Variants in ATF7IP2 observed in about 807,000 individuals in gnomAD.
The protein encoded by ATF7IP2 is activating transcription factor 7 interacting protein 2.
ATF7IP2 carries 42 observed loss-of-function variants against 64.2 expected under a neutral mutation model. That is an observed-to-expected ratio of 0.65 (90% CI 0.51 to 0.85). The LOEUF (loss-of-function observed/expected upper bound fraction) is 0.85. Among genes scored for constraint, ATF7IP2 ranks in the 40% least tolerant of loss-of-function variants. The pLI, the probability that ATF7IP2 is intolerant of heterozygous loss-of-function variation, is 0.00. For missense variants in ATF7IP2, 933 were observed against 784.2 expected (o/e 1.19, Z -2.27); for synonymous variants, 308 against 272.8 (o/e 1.13, Z -1.27).
chr16:10,454,393 T>C (rs2049096906), intron 8 of ATF7IP2: 1 of 124,248 alleles, frequency 8.0e-6, no homozygotes, highest in Non-Finnish European at 1.6e-5. Flanking sequence ...CCAGTGACAG[T>C]GTGAGACTCC....
intron 3 of ATF7IP2, among the ~76,000 whole-genome samples, chr16:10,428,658 G>A (rs2048144819): frequency 6.6e-6 from 1 of 152,158 alleles, no homozygotes; most frequent in South Asian, 2.1e-4. Flanking sequence ...CCTGGCACCT[G>A]TAATATGTGA....
chr16:10,431,530 T>TATACA, intron 5 of ATF7IP2, 75 bp downstream of exon 5: 1 of 983,918 alleles, frequency 1.0e-6, no homozygotes, highest in Non-Finnish European at 1.5e-6. Flanking sequence ...AAGTCTCAAA[T>TATACA]ATACAAACCA....
chr16:10,482,164 C>T lies in ATF7IP2; in HGVS notation c.1964C>T (p.Thr655Ile). The change falls in exon 14 of 14, where the codon ACT (threonine) becomes ATT (isoleucine). Residue 655 changes from threonine (T) to isoleucine (I), a missense_variant. By Grantham distance (89) the Thr-to-Ile change is moderately conservative. Coordinates refer to ENST00000562102, the MANE Select transcript of ATF7IP2 (RefSeq NM_001393719.1). The stretch of plus-strand genomic sequence containing the variant: ...TTAGCTTCCAACAGATACTATTTTA[C>T]TGTCCAATCAAAAGATATTTTTGGA... Reference protein sequence around the residue: ...QFLASNRYYFTVQSKDIFGRY... With the variant: ...QFLASNRYYFIVQSKDIFGRY... 2 of 1,612,818 alleles carry T rather than the reference C, an allele frequency of 1.2e-6. No homozygotes were observed. The highest frequency in any genetic ancestry group is 1.7e-6 in the Non-Finnish European group (2 of 1,178,804).
chr16:10,439,140 T>A (rs2048522513), intron 7 of ATF7IP2, among the ~76,000 whole-genome samples: 2 of 152,034 alleles, frequency 1.3e-5, no homozygotes, highest in South Asian at 4.1e-4. Flanking sequence ...CTTTTTGGAC[T>A]TTTTGTTTTC....
At chr16:10,477,464 A>G (rs1231477552) in intron 12 of ATF7IP2, among the ~76,000 whole-genome samples, 6 of 152,178 alleles carry the variant, frequency 3.9e-5, no homozygotes, top group African/African-American at 1.4e-4. Flanking sequence ...TTAGGTATTG[A>G]TGGGACGTAT....
intron 1 of ATF7IP2, among the ~76,000 whole-genome samples, chr16:10,393,950 G>A (rs1418407790): frequency 6.6e-6 from 1 of 152,172 alleles, no homozygotes; most frequent in East Asian, 1.9e-4. Context: ...GCTGATGTGG[G>A]AAGATCACTT....
In ATF7IP2 at chr16:10,431,242, G is replaced by A. The variant is rs1010451797; in HGVS notation, c.622G>A (p.Glu208Lys). The A allele has an allele frequency of 2.5e-6, 4 of 1,614,024 alleles. No homozygotes were observed. Among genetic ancestry groups the A allele is most frequent in the South Asian group, 1.1e-5 (1 of 91,078 alleles). ...VFHLETNSNS[E>K]SHDKRQSDNI... is the part of the protein sequence containing the mutation. Reference sequence around the variant, plus strand: ...CCATTTAGAAACAAACTCCAATTCAGAATCACATGATAAAAGGCAAAGTGA... The same window carrying A: ...CCATTTAGAAACAAACTCCAATTCAAAATCACATGATAAAAGGCAAAGTGA... Residue 208 changes from glutamate to lysine, a missense_variant, in exon 5 of 14, where the codon GAA becomes AAA. By Grantham distance (56) the Glu-to-Lys change is moderately conservative. Coordinates refer to ENST00000562102, the MANE Select transcript of ATF7IP2 (RefSeq NM_001393719.1).
At chr16:10,446,573 A>G (rs1466204945) in intron 8 of ATF7IP2, 8 of 152,156 alleles carry the variant, frequency 5.3e-5, no homozygotes, top group African/African-American at 4.8e-5. Context: ...GACACATCCA[A>G]TCCTCATATG....
chr16:10,443,670 T>C (rs2048706313), intron 8 of ATF7IP2, among the ~76,000 whole-genome samples: 2 of 152,114 alleles, frequency 1.3e-5, no homozygotes, highest in African/African-American at 4.8e-5. Context: ...CACCCACTAT[T>C]TGATTTGGTG....
At chr16:10,442,533 G>C (rs1337767096) in intron 8 of ATF7IP2, among the ~76,000 whole-genome samples, 1 of 152,164 alleles carries the variant, frequency 6.6e-6, no homozygotes, top group Non-Finnish European at 1.5e-5. Flanking sequence ...AGTAAAAATA[G>C]AAGCCATGAG....
At chr16:10,458,515 C>T (rs1240227565) in intron 9 of ATF7IP2, among the ~76,000 whole-genome samples, 3 of 152,136 alleles carry the variant, frequency 2.0e-5, no homozygotes, top group Non-Finnish European at 2.9e-5. Context: ...AAGAACCCTG[C>T]GATTTATAAA....
chr16:10,472,671 C>A (rs1047886158), intron 10 of ATF7IP2, among the ~76,000 whole-genome samples: 1 of 151,998 alleles, frequency 6.6e-6, no homozygotes, highest in Non-Finnish European at 1.5e-5. Flanking sequence ...GCCTGGCCAA[C>A]AAAATGAAAC....
intron 9 of ATF7IP2, among the ~76,000 whole-genome samples, chr16:10,458,775 G>T (rs892263725): frequency 6.6e-6 from 1 of 152,184 alleles, no homozygotes; most frequent in Non-Finnish European, 1.5e-5. Flanking sequence ...GAAAATTACA[G>T]CCTGCTTTAA....
At chr16:10,443,237 C>T (rs2048689145) in intron 8 of ATF7IP2, among the ~76,000 whole-genome samples, 1 of 152,102 alleles carries the variant, frequency 6.6e-6, no homozygotes, top group Non-Finnish European at 1.5e-5. Context: ...TTTAGGTCTC[C>T]AAGAAATGCC....
At chr16:10,462,604 G>A (rs913316819) in intron 9 of ATF7IP2, among the ~76,000 whole-genome samples, 1 of 152,046 alleles carries the variant, frequency 6.6e-6, no homozygotes, top group Non-Finnish European at 1.5e-5. Context: ...GTCTCTAGCT[G>A]CTTTTAAGAT....
At chr16:10,420,364 A>G (rs768030755) in intron 3 of ATF7IP2, among the ~76,000 whole-genome samples, 7 of 152,254 alleles carry the variant, frequency 4.6e-5, no homozygotes, top group Non-Finnish European at 7.3e-5. Context: ...CATGGGTGAC[A>G]TCCATTTGCC....
chr16:10,473,814 G>A (rs1036051988), intron 11 of ATF7IP2, 109 bp from the exon 12 acceptor site: 115 of 721,022 alleles, frequency 1.6e-4, no homozygotes, highest in African/African-American at 1.1e-4. Flanking sequence ...TCTAGTTTCC[G>A]AATGGTGATT....
chr16:10,447,972 T>C (rs1596542168), intron 8 of ATF7IP2: 1 of 152,262 alleles, frequency 6.6e-6, no homozygotes, highest in African/African-American at 2.4e-5. Context: ...AGGGGTCCAG[T>C]TGCAGTTTTC....
intron 3 of ATF7IP2, among the ~76,000 whole-genome samples, chr16:10,428,028 A>G (rs1161520680): frequency 1.3e-5 from 2 of 152,222 alleles, no homozygotes; most frequent in Non-Finnish European, 2.9e-5. Context: ...AAAAACAAGT[A>G]TTAGCTATAG....
Sources: gnomAD v4.1 joint callset for allele counts (sites outside exome capture counted in the v4.1 genomes callset) on GRCh38, gnomAD v4.1.1 for gene constraint, MANE v1.5 for transcripts, NCBI Gene and HGNC (gene_info 2026-07-23, HGNC 2026-07-21) for gene names.